The following SORCS2 variants were observed in gnomAD, a reference collection of about 807,000 sequenced individuals.
The protein encoded by SORCS2 is sortilin related VPS10 domain containing receptor 2, also known as VPS10 domain-containing receptor SorCS2.
Under a neutral mutation model 141.6 loss-of-function variants are expected in SORCS2, and 100 were observed. The observed-to-expected ratio is 0.71, with a 90% CI of 0.60 to 0.83. The LOEUF (loss-of-function observed/expected upper bound fraction) is 0.83, where lower values mean the gene tolerates loss of function less well. Ranked by LOEUF, SORCS2 falls within the 40% of genes least tolerant of loss-of-function variation. SORCS2 has a pLI of 0.00. For missense variants in SORCS2, 1,646 were observed against 1,560.2 expected (o/e 1.05, Z -0.93); for synonymous variants, 789 against 676.9 (o/e 1.17, Z -2.57).
chr4:7,356,479 C>CATGGAGAGAGATGGAGAGAG (rs376955040), intron 1 of SORCS2, among the ~76,000 whole-genome samples: 2 of 152,026 alleles, frequency 1.3e-5, no homozygotes, highest in Admixed American at 1.3e-4. Context: ...AGTGTGTGAG[C>CATGGAGAGAGATGGAGAGAG]ATGGAGAGAG....
chr4:7,342,648 A>G (rs73210410), intron 1 of SORCS2, among the ~76,000 whole-genome samples: 29,523 of 152,070 alleles, frequency 0.19, 3,019 homozygotes, highest in Non-Finnish European at 0.22. Flanking sequence ...AACACAGGGA[A>G]GAAGCCCTGC....
At chr4:7,725,903 G>A (rs1727187039) in intron 20 of SORCS2, among the ~76,000 whole-genome samples, 1 of 152,236 alleles carries the variant, frequency 6.6e-6, no homozygotes, top group South Asian at 2.1e-4. Context: ...AGGGCCTGTG[G>A]GCTCTGGATT....
intron 2 of SORCS2, among the ~76,000 whole-genome samples, chr4:7,427,955 G>T (rs889458936): frequency 6.6e-6 from 1 of 152,112 alleles, no homozygotes; most frequent in African/African-American, 2.4e-5. Flanking sequence ...AGGGCGGGGG[G>T]ATGGAGGTTG....
chr4:7,649,487 C>T (rs1240616274), intron 4 of SORCS2, among the ~76,000 whole-genome samples: 1 of 152,162 alleles, frequency 6.6e-6, no homozygotes, highest in East Asian at 1.9e-4. Flanking sequence ...AGCAGGGGTC[C>T]ACGGAGATGG....
intron 2 of SORCS2, among the ~76,000 whole-genome samples, chr4:7,440,427 G>A (rs1180363008): frequency 6.6e-6 from 1 of 152,256 alleles, no homozygotes; most frequent in African/African-American, 2.4e-5. Flanking sequence ...TCCAATTTCT[G>A]AGGCTTTGGC....
intron 1 of SORCS2, among the ~76,000 whole-genome samples, chr4:7,324,961 C>T (rs557634948): frequency 4.6e-5 from 7 of 152,316 alleles, no homozygotes; most frequent in East Asian, 3.9e-4. Context: ...CTCTGCTGAG[C>T]GCCCTGGCCT....
chr4:7,726,270 G>A (rs59076284), intron 20 of SORCS2, among the ~76,000 whole-genome samples: 5 of 152,168 alleles, frequency 3.3e-5, no homozygotes, highest in African/African-American at 9.7e-5. Flanking sequence ...AAATGCCCGT[G>A]GGGGGCAGGC....
At chr4:7,275,318 G>T (rs1485417763) in intron 1 of SORCS2, among the ~76,000 whole-genome samples, 2 of 152,202 alleles carry the variant, frequency 1.3e-5, no homozygotes, top group Admixed American at 1.3e-4. Context: ...GGGCTCTGCA[G>T]ACAGGTCTGA....
intron 3 of SORCS2, among the ~76,000 whole-genome samples, chr4:7,543,919 TCCACCCATCCACCCATCCAC>T (rs1713004759): frequency 1.0e-4 from 4 of 39,610 alleles, no homozygotes; most frequent in East Asian, 7.6e-4. Context: ...CATCCACCCA[TCCACCCATCCACCCATCCAC>T]CCATCCATCC....
chr4:7,327,141 C>G (rs186467167), intron 1 of SORCS2, among the ~76,000 whole-genome samples: 6 of 152,238 alleles, frequency 3.9e-5, no homozygotes, highest in Non-Finnish European at 8.8e-5. Context: ...CAGCTGCCGC[C>G]GCAACGTTCC....
At chr4:7,676,260 G>T in intron 9 of SORCS2, 31 bp downstream of exon 9, 1 of 1,543,874 alleles carries the variant, frequency 6.5e-7, no homozygotes, top group Non-Finnish European at 8.7e-7. Context: ...GGCCAGGTCT[G>T]CCGCCGACCC....
At chr4:7,582,826 G>A (rs985616314) in intron 3 of SORCS2, among the ~76,000 whole-genome samples, 14 of 152,060 alleles carry the variant, frequency 9.2e-5, no homozygotes, top group Admixed American at 3.9e-4. Context: ...AGCAGCCGTA[G>A]CAGCAATTTT....
intron 2 of SORCS2, among the ~76,000 whole-genome samples, chr4:7,455,552 G>A (rs1255241835): frequency 2.7e-5 from 4 of 147,348 alleles, no homozygotes; most frequent in East Asian, 2.0e-4. Flanking sequence ...CCACGTTAGG[G>A]TCAGGCACTG....
intron 3 of SORCS2, among the ~76,000 whole-genome samples, chr4:7,600,697 AC>A (rs554057379): frequency 3.8e-4 from 54 of 140,582 alleles, no homozygotes; most frequent in Non-Finnish European, 6.9e-4. Context: ...ACACACACAC[AC>A]GATTAAAATG....
chr4:7,723,784 A>C lies in SORCS2; in HGVS notation c.2512A>C (p.Ile838Leu). 1.9e-6 allele frequency: 3 copies of C among 1,613,948 alleles called. No homozygotes were observed. Among genetic ancestry groups the C allele is most frequent in the Non-Finnish European group, 2.5e-6 (3 of 1,179,894 alleles). ...GAACCTTACACTGACCGGGGAGCCC[A>C]TCCGGCACCGCTACGAGAGCCCCGG... is the stretch of plus-strand genomic sequence containing the variant. ...YVNLTLTGEP[I>L]RHRYESPGIY... The change falls in exon 19 of 27, where the codon ATC becomes CTC. Residue 838 changes from isoleucine to leucine, a missense_variant. Physicochemically the swap from Ile to Leu is conservative, Grantham distance 5. Transcript: ENST00000507866.
At chr4:7,452,056 C>T (rs1452536798) in intron 2 of SORCS2, among the ~76,000 whole-genome samples, 1 of 152,158 alleles carries the variant, frequency 6.6e-6, no homozygotes, top group Non-Finnish European at 1.5e-5. Flanking sequence ...ACAGCCTTCC[C>T]CTCACCACCA....
intron 1 of SORCS2, among the ~76,000 whole-genome samples, chr4:7,372,167 G>A (rs185861742): frequency 1.3e-5 from 2 of 152,344 alleles, no homozygotes; most frequent in East Asian, 3.9e-4. Context: ...AAGCCAGAAG[G>A]TGTGTGGATG....
chr4:7,535,445 G>C (rs1018333280), intron 3 of SORCS2, among the ~76,000 whole-genome samples: 9 of 152,210 alleles, frequency 5.9e-5, no homozygotes, highest in Non-Finnish European at 1.0e-4. Flanking sequence ...GTCTGAGTCT[G>C]GCCCTGTAGC....
At position 7,556,779 on chromosome 4, in the gene SORCS2, C is replaced by T. The variant is rs545370243; in HGVS notation, c.648+25150C>T. Among the ~76,000 whole-genome samples, 4 of 150,390 alleles carry T rather than the reference C, an allele frequency of 2.7e-5. No individual in the cohort carries two copies. The East Asian group carries it at 7.9e-4, about 30-fold the overall frequency. On this transcript the variant is annotated intron_variant, in intron 3 of 26. Transcript: ENST00000507866. ...CTACCACCCATTCACCCACCACCTA[C>T]CCACCCACACATCCATCCACTTACC...
Sources: allele counts gnomAD v4.1 joint callset (sites outside exome capture counted in the v4.1 genomes callset), GRCh38; gene constraint gnomAD v4.1.1; transcripts MANE v1.5; gene names NCBI Gene and HGNC (gene_info 2026-07-23, HGNC 2026-07-21).